CNTNAP5: variants seen among roughly 807,000 people sequenced by gnomAD.
CNTNAP5 encodes the protein contactin-associated protein-like 5.
In CNTNAP5, 72 loss-of-function variants were observed where a neutral mutation model predicts 150.2. The observed-to-expected ratio is 0.48, with a 90% CI of 0.40 to 0.58. The LOEUF (loss-of-function observed/expected upper bound fraction) is 0.58. Among genes scored for constraint, CNTNAP5 ranks in the 20% least tolerant of loss-of-function variants. The pLI is 0.00. For missense variants in CNTNAP5, 1,636 were observed against 1,626.2 expected (o/e 1.01, Z -0.10); for synonymous variants, 672 against 619.8 (o/e 1.08, Z -1.25).
intron 18 of CNTNAP5, among the ~76,000 whole-genome samples, chr2:124,795,304 C>T (rs958446641): frequency 6.6e-6 from 1 of 152,114 alleles, no homozygotes; most frequent in Non-Finnish European, 1.5e-5. Context: ...CTCAGAGACG[C>T]ACCTTCCAGT....
At chr2:124,545,716 G>A (rs1356724169) in intron 10 of CNTNAP5, among the ~76,000 whole-genome samples, 5 of 151,960 alleles carry the variant, frequency 3.3e-5, no homozygotes, top group Non-Finnish European at 5.9e-5. Flanking sequence ...CACAAATGGC[G>A]TCACATAAAG....
At chr2:124,057,435 G>T (rs1408951220) in intron 1 of CNTNAP5, among the ~76,000 whole-genome samples, 1 of 103,886 alleles carries the variant, frequency 9.6e-6, no homozygotes, top group African/African-American at 4.0e-5. Context: ...GCACCCACCA[G>T]CACGGCCAGC....
chr2:124,678,223 A>G (rs1470189381), intron 13 of CNTNAP5, among the ~76,000 whole-genome samples: 3 of 151,858 alleles, frequency 2.0e-5, no homozygotes, highest in Non-Finnish European at 4.4e-5. Flanking sequence ...GGAAGGTTGC[A>G]TAGCAGTTAA....
At chr2:124,581,847 T>C (rs1271052765) in intron 11 of CNTNAP5, among the ~76,000 whole-genome samples, 1 of 152,170 alleles carries the variant, frequency 6.6e-6, no homozygotes, top group Non-Finnish European at 1.5e-5. Flanking sequence ...AAAGACTACC[T>C]GCATTACACC....
At chr2:124,358,363 G>C (rs969486101) in intron 3 of CNTNAP5, among the ~76,000 whole-genome samples, 1 of 152,090 alleles carries the variant, frequency 6.6e-6, no homozygotes, top group African/African-American at 2.4e-5. Context: ...GGTGAGAGAG[G>C]GCATCCCTGT....
At chr2:124,539,110 G>A (rs1009118105) in intron 10 of CNTNAP5, among the ~76,000 whole-genome samples, 3 of 152,210 alleles carry the variant, frequency 2.0e-5, no homozygotes, top group African/African-American at 7.2e-5. Flanking sequence ...ACAGTTGGAA[G>A]AGAGAAGGAG....
intron 13 of CNTNAP5, among the ~76,000 whole-genome samples, chr2:124,653,931 A>T (rs1203961617): frequency 1.8e-5 from 1 of 54,942 alleles, no homozygotes; most frequent in African/African-American, 7.8e-5. Flanking sequence ...CCCGCCACAC[A>T]CACACAATCA....
intron 11 of CNTNAP5, among the ~76,000 whole-genome samples, chr2:124,598,434 G>C (rs1366385802): frequency 2.2e-5 from 3 of 138,698 alleles, no homozygotes; most frequent in African/African-American, 8.1e-5. Context: ...CTGCTGGGGG[G>C]TGCCTCCCAG....
chr2:124,507,462 A>AAAG (rs2104866819), intron 8 of CNTNAP5, among the ~76,000 whole-genome samples: 1 of 152,278 alleles, frequency 6.6e-6, no homozygotes, highest in East Asian at 1.9e-4. Flanking sequence ...CCATCTCAAA[A>AAAG]AAACAAAACA....
At chr2:124,671,110 C>T (rs747064756) in intron 13 of CNTNAP5, among the ~76,000 whole-genome samples, 7 of 152,116 alleles carry the variant, frequency 4.6e-5, no homozygotes, top group Non-Finnish European at 8.8e-5. Context: ...TTTTATCTGC[C>T]TTTCCTCACC....
intron 8 of CNTNAP5, among the ~76,000 whole-genome samples, chr2:124,510,375 A>ACACACACC: frequency 7.7e-6 from 1 of 129,506 alleles, no homozygotes; most frequent in Admixed American, 8.5e-5. Flanking sequence ...ACACACACAC[A>ACACACACC]CACACACACA....
At chr2:124,362,141 T>G (rs973650665) in intron 3 of CNTNAP5, among the ~76,000 whole-genome samples, 11 of 152,358 alleles carry the variant, frequency 7.2e-5, no homozygotes, top group African/African-American at 2.6e-4. Context: ...GCTTCCCAAG[T>G]GAGGCAATGC....
intron 3 of CNTNAP5, among the ~76,000 whole-genome samples, chr2:124,302,362 T>A (rs1688585347): frequency 6.6e-6 from 1 of 152,224 alleles, no homozygotes; most frequent in Non-Finnish European, 1.5e-5. Context: ...TATAACAGAA[T>A]AACACAGACT....
chr2:124,365,009 A>C (rs753376394), intron 3 of CNTNAP5, among the ~76,000 whole-genome samples: 37 of 152,194 alleles, frequency 2.4e-4, no homozygotes, highest in Non-Finnish European at 4.4e-4. Context: ...ACTATTGGCC[A>C]TAGAGTTGAT....
intron 12 of CNTNAP5, among the ~76,000 whole-genome samples, chr2:124,626,816 C>A (rs1229690257): frequency 6.6e-6 from 1 of 152,126 alleles, no homozygotes; most frequent in African/African-American, 2.4e-5. Flanking sequence ...AGCTTGAAAT[C>A]CCCGCTGCCA....
Position 124,674,465 on chromosome 2 carries a change from C to T in CNTNAP5, c.2077+26507C>T, listed in dbSNP as rs186574768. Among the ~76,000 whole-genome samples, 72 of 133,180 alleles carry T rather than the reference C, an allele frequency of 5.4e-4. No individual in the cohort carries two copies. In the East Asian group the frequency reaches 0.017, roughly 31 times the overall value. 87.4% of individuals were successfully genotyped at this position (133,180 alleles called of 152,430 possible). ...CCTTTCCTTTCCCTTCCTTCCTTTC[C>T]CTCCCTCCCTCCCTCTCTCCCTCTC... is the stretch of plus-strand genomic sequence containing the variant. On this transcript the variant is annotated intron_variant, in intron 13 of 23. Transcript: ENST00000682447.
chr2:124,805,755 C>G (rs953822865), intron 19 of CNTNAP5, among the ~76,000 whole-genome samples: 1 of 152,188 alleles, frequency 6.6e-6, no homozygotes, highest in Non-Finnish European at 1.5e-5. Context: ...AGTCCAAGTT[C>G]AAGGTACTGG....
chr2:124,095,905 C>T (rs938182252), intron 1 of CNTNAP5, among the ~76,000 whole-genome samples: 2 of 151,806 alleles, frequency 1.3e-5, no homozygotes, highest in Admixed American at 6.6e-5. Context: ...CATCGTTAGC[C>T]CCATTTTCTA....
In CNTNAP5 at chr2:124,432,894, A is replaced by G. The variant is rs540990728; in HGVS notation, c.530-1590A>G. On this transcript the variant is annotated intron_variant, in intron 4 of 23. Coordinates refer to ENST00000682447, the MANE Select transcript of CNTNAP5 (RefSeq NM_001367498.1). The stretch of plus-strand genomic sequence containing the variant: ...ATTCCTGTTATTTCAATTACTACTA[A>G]TACCTCTCCTATCTATTATTGATTT... Among the ~76,000 whole-genome samples the G allele has an allele frequency of 7.2e-5, 11 of 152,324 alleles. No homozygotes were observed. The South Asian group carries it at 2.3e-3, about 32-fold the overall frequency.
Sources: gnomAD v4.1 joint callset for allele counts (sites outside exome capture counted in the v4.1 genomes callset) on GRCh38, gnomAD v4.1.1 for gene constraint, MANE v1.5 for transcripts, NCBI Gene and HGNC (gene_info 2026-07-23, HGNC 2026-07-21) for gene names.